TOMM70: variants seen among roughly 807,000 people sequenced by gnomAD.
The protein encoded by TOMM70 is mitochondrial import receptor subunit TOM70.
TOMM70 carries 13 observed loss-of-function variants against 73.6 expected under a neutral mutation model. The observed-to-expected ratio is 0.18, with a 90% CI of 0.11 to 0.28. TOMM70 has a LOEUF of 0.28. Ranked by LOEUF, TOMM70 falls within the 10% of genes least tolerant of loss-of-function variation. The pLI is 1.00. For missense variants in TOMM70, 609 were observed against 747.5 expected (o/e 0.81, Z 2.16); for synonymous variants, 257 against 271.2 (o/e 0.95, Z 0.51).
At position 100,401,030 on chromosome 3, in the gene TOMM70, A is replaced by T; in HGVS notation, c.-81T>A. On this transcript the variant is annotated 5_prime_UTR_variant, in exon 1 of 12. Transcript: ENST00000284320. ...ACAGCGTGCGAAGGAAGACCGAGGGAGGGAAGGAAAGCAATGAGCGAGCGA... is the reference window on the plus strand; with the variant it reads ...ACAGCGTGCGAAGGAAGACCGAGGGTGGGAAGGAAAGCAATGAGCGAGCGA... 7.1e-7 allele frequency: 1 copy of T among 1,399,346 alleles called. No homozygotes were observed. The highest frequency in any genetic ancestry group is 9.7e-7 in the Non-Finnish European group (1 of 1,031,796). The allele number at this position is 1,399,346 out of a possible 1,614,324, so 86.7% of individuals were successfully genotyped here.
chr3:100,375,635 A>G (rs1033757316), intron 6 of TOMM70, among the ~76,000 whole-genome samples: 2 of 152,184 alleles, frequency 1.3e-5, no homozygotes, highest in African/African-American at 4.8e-5. Context: ...TTATTTATCC[A>G]TTCATCAACT....
chr3:100,396,256 A>C (rs1241320193), intron 1 of TOMM70, among the ~76,000 whole-genome samples: 1 of 152,172 alleles, frequency 6.6e-6, no homozygotes, highest in Non-Finnish European at 1.5e-5. Flanking sequence ...CAGTTTATGC[A>C]GTCCTCGACC....
chr3:100,386,153 A>T, intron 3 of TOMM70, 65 bp downstream of exon 3: 1 of 1,534,866 alleles, frequency 6.5e-7, no homozygotes, highest in Non-Finnish European at 8.8e-7. Flanking sequence ...GCAGTTTCAT[A>T]TACATTTACC....
chr3:100,387,450 CT>C (rs1706704246), intron 1 of TOMM70, among the ~76,000 whole-genome samples: 1 of 151,836 alleles, frequency 6.6e-6, no homozygotes, highest in Non-Finnish European at 1.5e-5. Context: ...CTGTCTCCGC[CT>C]GCCCCCCCAA....
chr3:100,386,415 G>C, intron 2 of TOMM70, 71 bp from the exon 3 acceptor site: 9 of 1,433,320 alleles, frequency 6.3e-6, no homozygotes, highest in Non-Finnish European at 8.4e-6. Context: ...GTTTAAACTT[G>C]ATAGGTTGAG....
intron 4 of TOMM70, among the ~76,000 whole-genome samples, chr3:100,383,196 G>A (rs1347057129): frequency 1.3e-5 from 2 of 151,968 alleles, no homozygotes; most frequent in African/African-American, 4.8e-5. Flanking sequence ...CTAGTCTTAC[G>A]AGATGCTCGA....
chr3:100,379,194 A>AT (rs34146652), intron 5 of TOMM70, among the ~76,000 whole-genome samples: 1 of 152,084 alleles, frequency 6.6e-6, no homozygotes, highest in South Asian at 2.1e-4. Flanking sequence ...TGTAGAAGTA[A>AT]TTTTTTTTAA....
At chr3:100,381,492 G>C (rs371005441) in intron 5 of TOMM70, 123 bp downstream of exon 5, 14 of 541,918 alleles carry the variant, frequency 2.6e-5, no homozygotes, top group South Asian at 2.0e-4. Context: ...TTATATTTCT[G>C]TCTATCTCTA....
Position 100,363,797 on chromosome 3 carries a change from C to T in TOMM70, c.*1767G>A, listed in dbSNP as rs531935261. 1.7e-4 allele frequency: 26 copies of T among 152,364 alleles called. No homozygotes were observed. Among genetic ancestry groups the T allele is most frequent in the Admixed American group, 1.6e-3 (25 of 15,294 alleles). 9.4% of individuals were successfully genotyped at this position (152,364 alleles called of 1,614,324 possible). ...TATCAGAAGGTGCATAATTTAAAAA[C>T]AAAATGCAGCGGTCTCAAACTTCCC... On this transcript the variant is annotated 3_prime_UTR_variant, in exon 12 of 12. Coordinates refer to ENST00000284320, the MANE Select transcript of TOMM70 (RefSeq NM_014820.5).
chr3:100,365,396 A>G lies in TOMM70; in HGVS notation c.*168T>C. The stretch of plus-strand genomic sequence containing the variant: ...GCTGCAAGACTGCAAACTTCCTTCA[A>G]CAGCCACACCCACAACACCTAGACA... On this transcript the variant is annotated 3_prime_UTR_variant, in exon 12 of 12. Transcript: ENST00000284320. 1.0e-6 allele frequency: 1 copy of G among 975,310 alleles called. No homozygotes were observed. The highest frequency in any genetic ancestry group is 2.5e-5 in the South Asian group (1 of 40,364). 60.4% of individuals were successfully genotyped at this position (975,310 alleles called of 1,614,324 possible). A position where few individuals can be genotyped will look rare whatever the true frequency, so the allele number is the denominator to read the frequency against.
intron 5 of TOMM70, among the ~76,000 whole-genome samples, chr3:100,378,589 G>A (rs1706592542): frequency 1.3e-5 from 2 of 152,218 alleles, no homozygotes; most frequent in South Asian, 4.1e-4. Context: ...CTTCATATCT[G>A]AGGCACATCA....
intron 1 of TOMM70, among the ~76,000 whole-genome samples, chr3:100,389,431 T>C (rs532345351): frequency 3.7e-4 from 56 of 152,134 alleles, no homozygotes; most frequent in African/African-American, 1.3e-3. Context: ...AACATGTAAA[T>C]AGTAAAAATA....
Position 100,368,032 on chromosome 3 carries a change from T to C in TOMM70, c.1673+12A>G. ...AGCTACCATATATTTCCTAACAGAC[T>C]CCAGAAGTTACCTTTGTACTTCAAT... On this transcript the variant is annotated intron_variant, in intron 11 of 11. Coordinates refer to ENST00000284320, the MANE Select transcript of TOMM70 (RefSeq NM_014820.5). The C allele has an allele frequency of 6.2e-7, 1 of 1,611,754 alleles. No homozygotes were observed. Among genetic ancestry groups the C allele is most frequent in the Non-Finnish European group, 8.5e-7 (1 of 1,179,090 alleles).
At chr3:100,367,989 A>G (rs1447059033) in intron 11 of TOMM70, 55 bp downstream of exon 11, 1 of 1,561,242 alleles carries the variant, frequency 6.4e-7, no homozygotes, top group East Asian at 2.3e-5. Flanking sequence ...ATAAGAACAA[A>G]AAGCTAAATA....
intron 1 of TOMM70, among the ~76,000 whole-genome samples, chr3:100,391,023 C>T (rs1183536600): frequency 1.3e-5 from 2 of 151,708 alleles, no homozygotes; most frequent in Non-Finnish European, 2.9e-5. Flanking sequence ...CGCCTGTAGT[C>T]CCAGCTACTC....
At chr3:100,382,447 A>G (rs1192040245) in intron 4 of TOMM70, among the ~76,000 whole-genome samples, 2 of 152,238 alleles carry the variant, frequency 1.3e-5, no homozygotes, top group African/African-American at 4.8e-5. Flanking sequence ...AGAACTAAAA[A>G]GGAAACCTAA....
Position 100,374,860 on chromosome 3 carries a change from AAAC to A in TOMM70, c.1227+155_1227+157del, listed in dbSNP as rs1445712272. ...TAAAGACAAATATTCAAGACAGACT[AAAC>A]AAAGGCCAATTCAAACTGTAAACCA... On this transcript the variant is annotated intron_variant, in intron 7 of 11. Coordinates refer to ENST00000284320, the MANE Select transcript of TOMM70 (RefSeq NM_014820.5). Among the ~76,000 whole-genome samples the A allele has an allele frequency of 1.1e-4, 17 of 152,234 alleles. 1 individual carries two copies.
chr3:100,387,608 A>ACACACACACG, intron 1 of TOMM70, among the ~76,000 whole-genome samples: 1 of 135,662 alleles, frequency 7.4e-6, no homozygotes, highest in African/African-American at 3.0e-5. Context: ...AGACACACAC[A>ACACACACACG]CACACACACA....
At chr3:100,395,542 C>CAAAAAAAAAAAA (rs59048767) in intron 1 of TOMM70, among the ~76,000 whole-genome samples, 1 of 81,092 alleles carries the variant, frequency 1.2e-5, no homozygotes, top group African/African-American at 3.3e-5. Flanking sequence ...GACTCCAACT[C>CAAAAAAAAAAAA]AAAAAAAAAA....
Sources: gnomAD v4.1 joint callset for allele counts (sites outside exome capture counted in the v4.1 genomes callset) on GRCh38, gnomAD v4.1.1 for gene constraint, MANE v1.5 for transcripts, NCBI Gene and HGNC (gene_info 2026-07-23, HGNC 2026-07-21) for gene names.